SIGLECL1: variants seen among roughly 807,000 people sequenced by gnomAD.
SIGLECL1 encodes SIGLEC family-like protein 1.
A neutral mutation model predicts 19.1 loss-of-function variants in SIGLECL1; 16 were observed. That is an observed-to-expected ratio of 0.84 (90% confidence interval 0.57 to 1.27). SIGLECL1 has a LOEUF of 1.27. Ranked by LOEUF, SIGLECL1 falls within the 50% of genes most tolerant of loss-of-function variation. The probability of loss-of-function intolerance (pLI) is 0.00; values close to 1 mark genes in which losing one functional copy is unlikely to be tolerated. For missense variants in SIGLECL1, 210 were observed against 239.4 expected (o/e 0.88, Z 0.81); for synonymous variants, 89 against 90.4 (o/e 0.98, Z 0.09).
At chr19:51,261,317 C>T (rs897596046) in intron 1 of SIGLECL1, among the ~76,000 whole-genome samples, 2 of 152,050 alleles carry the variant, frequency 1.3e-5, no homozygotes, top group Non-Finnish European at 2.9e-5. Context: ...GAGACGGAGT[C>T]TTGCTCTGTC....
At chr19:51,265,728 C>T (rs1185681430) in intron 3 of SIGLECL1, 49 bp from the exon 4 acceptor site, 2 of 1,613,228 alleles carry the variant, frequency 1.2e-6, no homozygotes, top group African/African-American at 2.7e-5. Flanking sequence ...GAGAATGGAG[C>T]AGAGTTTTGG....
At chr19:51,268,173 C>T (rs1983817185) in intron 5 of SIGLECL1, among the ~76,000 whole-genome samples, 1 of 152,136 alleles carries the variant, frequency 6.6e-6, no homozygotes, top group African/African-American at 2.4e-5. Flanking sequence ...CTCGACAATG[C>T]TGGGGTCTCA....
At chr19:51,246,681 G>C (rs1042077371), upstream of SIGLECL1, among the ~76,000 whole-genome samples, 1 of 151,994 alleles carries the variant, frequency 6.6e-6, no homozygotes, top group East Asian at 1.9e-4. Context: ...TCTGGGCCTT[G>C]AGCATAACAA....
chr19:51,257,634 G>T (rs1371539485), intron 1 of SIGLECL1: 1 of 152,200 alleles, frequency 6.6e-6, no homozygotes, highest in Admixed American at 6.5e-5. Flanking sequence ...TCATAGGGGT[G>T]TCTTTGTTTG....
chr19:51,252,796 G>C (rs985258246), intron 1 of SIGLECL1, among the ~76,000 whole-genome samples: 1 of 152,096 alleles, frequency 6.6e-6, no homozygotes, highest in Non-Finnish European at 1.5e-5. Context: ...GACAGGGCTG[G>C]TTCCAGAACT....
Position 51,265,863 on chromosome 19 carries a change from C to A in SIGLECL1, c.391C>A (p.Leu131Ile), listed in dbSNP as rs767076796. ...GGGAATTGTAATTGCGCTGCTCTTC[C>A]TCTGCCTCCTCCCTCTCATGTGAGT... is the stretch of plus-strand genomic sequence containing the variant. ...YAGIVIALLF[L>I]CLLPLIVKHI... The change falls in exon 4 of 6, where the codon CTC becomes ATC. Residue 131 changes from leucine to isoleucine, a missense_variant. Physicochemically the swap from Leu to Ile is conservative, Grantham distance 5 (BLOSUM62 2). Transcript: ENST00000601727. 1 of 1,614,168 alleles carries A rather than the reference C, an allele frequency of 6.2e-7. No homozygotes were observed. Among genetic ancestry groups the A allele is most frequent in the Non-Finnish European group, 8.5e-7 (1 of 1,180,022 alleles).
intron 1 of SIGLECL1, among the ~76,000 whole-genome samples, chr19:51,261,446 A>C (rs1182147441): frequency 6.6e-6 from 1 of 151,426 alleles, no homozygotes; most frequent in South Asian, 2.1e-4. Flanking sequence ...CCGCCACCAC[A>C]CCCAGCTAAT....
chr19:51,247,400 C>T (rs750855954), upstream of SIGLECL1, among the ~76,000 whole-genome samples: 14 of 151,112 alleles, frequency 9.3e-5, no homozygotes, highest in Non-Finnish European at 1.8e-4. Context: ...AAGTTCACTA[C>T]GAAAACCACT....
chr19:51,267,541 T>C lies in SIGLECL1; in HGVS notation c.567+12T>C. On this transcript the variant is annotated intron_variant, in intron 5 of 5. Coordinates refer to ENST00000601727, the MANE Select transcript of SIGLECL1 (RefSeq NM_001385465.1). The stretch of plus-strand genomic sequence containing the variant: ...AGAGCCGGATATTGGTATGTACCTA[T>C]TGTGTCTGGAATCTAGTCTATCGGA... 6.2e-7 allele frequency: 1 copy of C among 1,613,608 alleles called. No individual in the cohort carries two copies. Among genetic ancestry groups the C allele is most frequent in the Non-Finnish European group, 8.5e-7 (1 of 1,179,794 alleles).
chr19:51,259,322 A>G (rs1983040675), intron 1 of SIGLECL1, among the ~76,000 whole-genome samples: 2 of 152,256 alleles, frequency 1.3e-5, no homozygotes, highest in African/African-American at 4.8e-5. Context: ...TATTGTGTCC[A>G]ACTATGGAAG....
At chr19:51,257,418 A>G (rs952699001) in intron 1 of SIGLECL1, among the ~76,000 whole-genome samples, 1 of 151,932 alleles carries the variant, frequency 6.6e-6, no homozygotes, top group Non-Finnish European at 1.5e-5. Flanking sequence ...TCAAAAAAAA[A>G]AAAAAGAAAA....
intron 1 of SIGLECL1, among the ~76,000 whole-genome samples, chr19:51,256,775 T>C (rs1039967919): frequency 1.3e-5 from 2 of 152,186 alleles, no homozygotes; most frequent in Non-Finnish European, 2.9e-5. Flanking sequence ...TCGTACACCT[T>C]AAGTATATAC....
chr19:51,266,941 G>A (rs1983722878), intron 4 of SIGLECL1, among the ~76,000 whole-genome samples: 1 of 152,096 alleles, frequency 6.6e-6, no homozygotes, highest in African/African-American at 2.4e-5. Flanking sequence ...CAGGCAGGAA[G>A]CTGGTGCAGG....
intron 2 of SIGLECL1, among the ~76,000 whole-genome samples, 185 bp from the exon 3 acceptor site, chr19:51,265,183 G>C (rs113323372): frequency 0.017 from 2,659 of 152,292 alleles, 80 homozygotes; most frequent in African/African-American, 0.057. Flanking sequence ...CTAGCGATCA[G>C]GTTCAGGCCA....
rs545313419 is a variant in SIGLECL1 at position 51,266,304 on chromosome 19, T to C, written c.410+422T>C. On this transcript the variant is annotated intron_variant, in intron 4 of 5. Transcript: ENST00000601727. ...AAAAGTTCTCGAGGCACCGACATAA[T>C]GCCACAAGTAGAAAATTCCACACCT... Among the ~76,000 whole-genome samples, 481 of 152,226 alleles carry C rather than the reference T, an allele frequency of 3.2e-3. 4 individuals are homozygous for C. The highest frequency in any genetic ancestry group is 0.011 in the African/African-American group (470 of 41,536).
At chr19:51,261,971 T>C (rs754144336) in intron 1 of SIGLECL1, among the ~76,000 whole-genome samples, 4 of 152,124 alleles carry the variant, frequency 2.6e-5, no homozygotes, top group Non-Finnish European at 5.9e-5. Context: ...AAATAGAACA[T>C]TAACAACACC....
rs1185489007 is a variant in SIGLECL1 at position 51,265,930 on chromosome 19, C to T, written c.410+48C>T. The T allele has an allele frequency of 5.0e-6, 8 of 1,590,752 alleles. No homozygotes were observed. In the East Asian group the frequency reaches 1.6e-4, roughly 31 times the overall value. On this transcript the variant is annotated intron_variant, in intron 4 of 5. Coordinates refer to ENST00000601727, the MANE Select transcript of SIGLECL1 (RefSeq NM_001385465.1). Reference sequence around the variant, plus strand: ...ACCCGCAAGCCTACTACCGGGCAGGCCCTGGCTGCAGCCCTGGCACAGAGA... The same window carrying T: ...ACCCGCAAGCCTACTACCGGGCAGGTCCTGGCTGCAGCCCTGGCACAGAGA...
chr19:51,250,999 T>A (rs1267425966), upstream of SIGLECL1: 3 of 152,180 alleles, frequency 2.0e-5, no homozygotes, highest in Non-Finnish European at 2.9e-5. Flanking sequence ...AGCCTCTCAT[T>A]GGTTGTAAAA....
chr19:51,247,988 G>A (rs1982321555), upstream of SIGLECL1, among the ~76,000 whole-genome samples: 1 of 152,166 alleles, frequency 6.6e-6, no homozygotes, highest in Non-Finnish European at 1.5e-5. Context: ...CAATACAGGA[G>A]TTAAGAAGGA....
Sources: allele counts gnomAD v4.1 joint callset (sites outside exome capture counted in the v4.1 genomes callset), GRCh38; gene constraint gnomAD v4.1.1; transcripts MANE v1.5; gene names NCBI Gene and HGNC (gene_info 2026-07-23, HGNC 2026-07-21).